PDE4D: variants seen among roughly 807,000 people sequenced by gnomAD.
PDE4D encodes the protein 3',5'-cyclic-AMP phosphodiesterase 4D.
A neutral mutation model predicts 87.4 loss-of-function variants in PDE4D; 24 were observed. The observed-to-expected ratio is 0.27, with a 90% CI of 0.20 to 0.39. The LOEUF (loss-of-function observed/expected upper bound fraction) is 0.39, where lower values mean the gene tolerates loss of function less well. Among genes scored for constraint, PDE4D ranks in the 10% least tolerant of loss-of-function variants. The pLI is 1.00. For missense variants in PDE4D, 714 were observed against 1,041.0 expected, an observed-to-expected ratio of 0.69 and a Z score of 4.32; for synonymous variants, 384 against 383.2, an observed-to-expected ratio of 1.00 and a Z score of -0.02.
intron 5 of PDE4D, among the ~76,000 whole-genome samples, chr5:59,071,889 A>C (rs984488394): frequency 6.6e-6 from 1 of 151,698 alleles, no homozygotes; most frequent in East Asian, 1.9e-4. Flanking sequence ...GGGTTTCACC[A>C]TATTGGCCAG....
At chr5:60,043,919 A>ACTT (rs1768833682) in intron 2 of PDE4D, among the ~76,000 whole-genome samples, 2 of 152,202 alleles carry the variant, frequency 1.3e-5, no homozygotes, top group Admixed American at 1.3e-4. Flanking sequence ...TCCTTTAAAC[A>ACTT]CTTTAAATAT....
At chr5:59,110,174 C>A (rs1463009715) in intron 5 of PDE4D, among the ~76,000 whole-genome samples, 2 of 152,236 alleles carry the variant, frequency 1.3e-5, no homozygotes, top group African/African-American at 2.4e-5. Flanking sequence ...CACTTTGTAG[C>A]TTTTAAGGAA....
chr5:60,254,581 T>C (rs1172750873), intron 1 of PDE4D, among the ~76,000 whole-genome samples: 1 of 151,850 alleles, frequency 6.6e-6, no homozygotes, highest in African/African-American at 2.4e-5. Context: ...TATAATCCTG[T>C]AGCCATAACT....
At chr5:59,871,869 C>T (rs1747864776) in intron 1 of PDE4D, among the ~76,000 whole-genome samples, 1 of 152,162 alleles carries the variant, frequency 6.6e-6, no homozygotes, top group African/African-American at 2.4e-5. Context: ...CTTACTGCCC[C>T]TCATCCCTTC....
At chr5:60,303,483 A>G (rs1477494317) in intron 1 of PDE4D, among the ~76,000 whole-genome samples, 1 of 151,412 alleles carries the variant, frequency 6.6e-6, no homozygotes, top group Non-Finnish European at 1.5e-5. Context: ...TAATTTTTGT[A>G]TTTTTAGTAG....
intron 1 of PDE4D, among the ~76,000 whole-genome samples, chr5:59,296,307 C>A (rs181951660): frequency 5.9e-5 from 9 of 152,054 alleles, no homozygotes; most frequent in African/African-American, 1.7e-4. Context: ...GGATTAGTTT[C>A]CAATGGTAAA....
intron 1 of PDE4D, among the ~76,000 whole-genome samples, chr5:60,436,639 C>G (rs1263910814): frequency 6.6e-6 from 1 of 151,984 alleles, no homozygotes; most frequent in Non-Finnish European, 1.5e-5. Context: ...GTATGATTGC[C>G]CACTGCCTAA....
chr5:59,632,232 A>G (rs1342265889), intron 1 of PDE4D, among the ~76,000 whole-genome samples: 1 of 152,190 alleles, frequency 6.6e-6, no homozygotes, highest in Non-Finnish European at 1.5e-5. Flanking sequence ...AAAGAAAGGT[A>G]GCAGCCCCAG....
At chr5:59,315,794 A>G (rs917624905) in intron 1 of PDE4D, among the ~76,000 whole-genome samples, 33 of 152,174 alleles carry the variant, frequency 2.2e-4, no homozygotes, top group African/African-American at 7.5e-4. Flanking sequence ...GTACATGTGC[A>G]TAACTACAAC....
chr5:59,564,192 G>A (rs1247310794), intron 1 of PDE4D, among the ~76,000 whole-genome samples: 1 of 152,166 alleles, frequency 6.6e-6, no homozygotes, highest in South Asian at 2.1e-4. Context: ...AGCAAAATTA[G>A]TTATAAGCAG....
chr5:59,042,408 G>A (rs1759831711), intron 5 of PDE4D, among the ~76,000 whole-genome samples: 1 of 152,114 alleles, frequency 6.6e-6, no homozygotes, highest in Non-Finnish European at 1.5e-5. Context: ...ACACCTAAAT[G>A]TCGACAGCTA....
intron 1 of PDE4D, among the ~76,000 whole-genome samples, chr5:59,518,566 G>T (rs1410619513): frequency 6.6e-6 from 1 of 152,060 alleles, no homozygotes; most frequent in East Asian, 1.9e-4. Flanking sequence ...AATACCAAAT[G>T]GTTTCAGTTC....
intron 2 of PDE4D, among the ~76,000 whole-genome samples, chr5:60,099,932 A>G (rs1776054330): frequency 6.6e-6 from 1 of 152,006 alleles, no homozygotes; most frequent in Admixed American, 6.6e-5. Context: ...GATGTTAGTT[A>G]TTCACTGTAA....
intron 1 of PDE4D, among the ~76,000 whole-genome samples, chr5:59,872,262 TACACACACACACACACACAC>T (rs71606610): frequency 1.5e-5 from 2 of 131,750 alleles, no homozygotes; most frequent in Non-Finnish European, 3.2e-5. Flanking sequence ...ACAGAAGAGT[TACACACACACACACACACAC>T]ACACACACAC....
intron 3 of PDE4D, among the ~76,000 whole-genome samples, chr5:59,972,427 TAAA>T (rs1452069738): frequency 1.3e-5 from 2 of 152,154 alleles, no homozygotes; most frequent in Admixed American, 6.5e-5. Context: ...AATATAAGTC[TAAA>T]AAAATAAAAT....
intron 2 of PDE4D, among the ~76,000 whole-genome samples, chr5:60,066,273 G>GA (rs1362829200): frequency 1.3e-5 from 2 of 152,024 alleles, no homozygotes; most frequent in African/African-American, 4.8e-5. Flanking sequence ...CCCACTTTTT[G>GA]ATGGGGTTGT....
At chr5:59,596,593 T>G (rs949103721) in intron 1 of PDE4D, among the ~76,000 whole-genome samples, 17 of 152,070 alleles carry the variant, frequency 1.1e-4, no homozygotes, top group Non-Finnish European at 1.2e-4. Flanking sequence ...CCTTATTATC[T>G]TGACATTGAC....
At chr5:60,367,726 T>C (rs1760679282) in intron 1 of PDE4D, among the ~76,000 whole-genome samples, 1 of 152,200 alleles carries the variant, frequency 6.6e-6, no homozygotes. Context: ...TATAGTCTTC[T>C]GTACTATTTG....
At chr5:59,166,721 T>C (rs1781981498) in intron 5 of PDE4D, among the ~76,000 whole-genome samples, 1 of 152,244 alleles carries the variant, frequency 6.6e-6, no homozygotes, top group African/African-American at 2.4e-5. Flanking sequence ...CTAAGCTAAT[T>C]TGACATTCTG....
Sources: allele counts gnomAD v4.1 joint callset (sites outside exome capture counted in the v4.1 genomes callset), GRCh38; gene constraint gnomAD v4.1.1; transcripts MANE v1.5; gene names NCBI Gene and HGNC (gene_info 2026-07-23, HGNC 2026-07-21).